The following RGS6 variants were observed in gnomAD, a reference collection of about 807,000 sequenced individuals.
RGS6 encodes the protein regulator of G-protein signaling 6.
A neutral mutation model predicts 78.5 loss-of-function variants in RGS6; 30 were observed. The observed-to-expected ratio is 0.38, with a 90% CI of 0.29 to 0.52. The LOEUF is 0.52. Ranked by LOEUF, RGS6 falls within the 20% of genes least tolerant of loss-of-function variation. RGS6 has a pLI of 0.85. For missense variants in RGS6, 495 were observed against 609.7 expected, an observed-to-expected ratio of 0.81 and a Z score of 1.98; for synonymous variants, 206 against 206.0, an observed-to-expected ratio of 1.00 and a Z score of 0.00.
chr14:72,513,156 T>C (rs1242350645), intron 14 of RGS6, among the ~76,000 whole-genome samples: 3 of 152,202 alleles, frequency 2.0e-5, no homozygotes, highest in Non-Finnish European at 4.4e-5. Context: ...CTGTGCTCCC[T>C]CTCATCTCTC....
chr14:72,619,313 AAGGCTG>A, the RGS6 span: 1 of 1,536,110 alleles, frequency 6.5e-7, no homozygotes, highest in Non-Finnish European at 8.7e-7. Context: ...CTGGCAGCCA[AAGGCTG>A]AGGCTTTCTC....
intron 2 of RGS6, among the ~76,000 whole-genome samples, chr14:72,099,585 A>T (rs2153521473): frequency 6.6e-6 from 1 of 152,192 alleles, no homozygotes; most frequent in African/African-American, 2.4e-5. Flanking sequence ...TTTTCTTTAA[A>T]TGTCTGTTTT....
chr14:72,324,231 TA>T (rs1366393705), intron 2 of RGS6, among the ~76,000 whole-genome samples: 9 of 152,122 alleles, frequency 5.9e-5, no homozygotes, highest in African/African-American at 1.2e-4. Context: ...TACATATCAA[TA>T]AAAAAATCAG....
chr14:71,881,509 T>C, the RGS6 span, among the ~76,000 whole-genome samples: 1 of 152,208 alleles, frequency 6.6e-6, no homozygotes, highest in Non-Finnish European at 1.5e-5. Flanking sequence ...TCCCCCATAC[T>C]GTTCTCATGG....
intron 2 of RGS6, among the ~76,000 whole-genome samples, chr14:72,093,619 T>C (rs1435959477): frequency 6.6e-6 from 1 of 152,196 alleles, no homozygotes; most frequent in Non-Finnish European, 1.5e-5. Context: ...CCACATAACA[T>C]GTTTTAATCT....
chr14:71,963,823 C>G (rs2093354322), intron 1 of RGS6, among the ~76,000 whole-genome samples: 1 of 152,162 alleles, frequency 6.6e-6, no homozygotes, highest in Admixed American at 6.5e-5. Context: ...CTGCTATGAA[C>G]ATTTGTGTAC....
chr14:72,333,979 C>T (rs1018188302), intron 2 of RGS6, among the ~76,000 whole-genome samples: 1 of 152,196 alleles, frequency 6.6e-6, no homozygotes, highest in African/African-American at 2.4e-5. Context: ...TGGAAGTTGT[C>T]TCTCTCTCTT....
chr14:72,572,705 A>G, the RGS6 span, among the ~76,000 whole-genome samples: 1 of 152,196 alleles, frequency 6.6e-6, no homozygotes, highest in Non-Finnish European at 1.5e-5. Flanking sequence ...GGAGTGATGA[A>G]AATGTTCTAA....
rs115545945 is a variant in RGS6 at position 72,456,630 on chromosome 14, C to T, written c.236-1641C>T. On this transcript the variant is annotated intron_variant, in intron 4 of 17. Transcript: ENST00000553525. ...ACGTCTAAGCAAAAACATTTTTGCT[C>T]AGAGAATGAAGTTAGAGTCTTAGCT... Among the ~76,000 whole-genome samples the T allele has an allele frequency of 4.4e-3, 667 of 152,242 alleles. 5 individuals carry two copies. The highest frequency in any genetic ancestry group is 0.015 in the African/African-American group (629 of 41,548).
At chr14:72,219,059 A>T (rs572264849) in intron 2 of RGS6, among the ~76,000 whole-genome samples, 1 of 151,868 alleles carries the variant, frequency 6.6e-6, no homozygotes, top group African/African-American at 2.4e-5. Flanking sequence ...TGTAAAGTGC[A>T]TTATGGAGAA....
At chr14:72,482,046 G>C (rs544537626) in intron 12 of RGS6, among the ~76,000 whole-genome samples, 1 of 152,010 alleles carries the variant, frequency 6.6e-6, no homozygotes, top group Non-Finnish European at 1.5e-5. Flanking sequence ...TCCTGACGTC[G>C]TGATCCGCCC....
intron 2 of RGS6, among the ~76,000 whole-genome samples, chr14:72,005,331 A>G (rs2084298680): frequency 6.6e-6 from 1 of 152,180 alleles, no homozygotes; most frequent in Non-Finnish European, 1.5e-5. Flanking sequence ...TAATATTTAT[A>G]CTTAGAAAGT....
intron 2 of RGS6, among the ~76,000 whole-genome samples, chr14:72,039,806 T>A (rs1166927640): frequency 7.8e-6 from 1 of 127,746 alleles, no homozygotes; most frequent in Non-Finnish European, 1.6e-5. Flanking sequence ...TCTTTTGTGT[T>A]TCATTGATTT....
In RGS6 at chr14:72,117,852, G is replaced by A. The variant is rs573475903; in HGVS notation, c.84+152977G>A. Among the ~76,000 whole-genome samples, 237 of 152,228 alleles carry A rather than the reference G, an allele frequency of 1.6e-3. 1 individual carries two copies. The highest frequency in any genetic ancestry group is 5.6e-3 in the African/African-American group (231 of 41,536). ...GCCTCCTTTGCCTTGTGACCCACAA[G>A]GACCCATGATACCCACCTGCAGCTG... On this transcript the variant is annotated intron_variant, in intron 2 of 17. Transcript: ENST00000553525.
chr14:72,354,883 A>T (rs1596185335), intron 3 of RGS6, among the ~76,000 whole-genome samples: 1 of 152,132 alleles, frequency 6.6e-6, no homozygotes, highest in African/African-American at 2.4e-5. Flanking sequence ...ATTTTACTAT[A>T]TATATTATTC....
chr14:72,437,876 TC>T (rs2095012013), intron 3 of RGS6, among the ~76,000 whole-genome samples: 4 of 152,332 alleles, frequency 2.6e-5, no homozygotes, highest in Admixed American at 2.6e-4. Context: ...ACAAGATACT[TC>T]AGGGAGTCTG....
chr14:72,331,996 G>T (rs149187441), intron 2 of RGS6, among the ~76,000 whole-genome samples: 1 of 152,164 alleles, frequency 6.6e-6, no homozygotes, highest in Admixed American at 6.5e-5. Context: ...CTGTTAGCCC[G>T]CATTAGACAG....
rs1157273047 is a variant in RGS6 at position 72,562,541 on chromosome 14, CAG to C, written c.*77_*78del. The C allele has an allele frequency of 1.0e-5, 16 of 1,595,510 alleles. No homozygotes were observed. Among genetic ancestry groups the C allele is most frequent in the East Asian group, 6.7e-5 (3 of 44,522 alleles). On this transcript the variant is annotated 3_prime_UTR_variant, in exon 18 of 18. Transcript: ENST00000553525. ...GGCGGCGGCGCTCCACATCTGCGGACAGAGTTTCCTTACGAGGAGACTTGGTC... is the reference window on the plus strand; with the variant it reads ...GGCGGCGGCGCTCCACATCTGCGGACAGTTTCCTTACGAGGAGACTTGGTC...
At chr14:72,363,452 G>A (rs2081893894) in intron 3 of RGS6, among the ~76,000 whole-genome samples, 1 of 152,234 alleles carries the variant, frequency 6.6e-6, no homozygotes, top group Non-Finnish European at 1.5e-5. Flanking sequence ...AAGTAATGGA[G>A]GAAACTGCTA....
Sources: allele counts gnomAD v4.1 joint callset (sites outside exome capture counted in the v4.1 genomes callset), GRCh38; gene constraint gnomAD v4.1.1; transcripts MANE v1.5; gene names NCBI Gene and HGNC (gene_info 2026-07-23, HGNC 2026-07-21).